The following GRID2 variants were observed in gnomAD, a reference collection of about 807,000 sequenced individuals.
The protein encoded by GRID2 is glutamate ionotropic receptor delta type subunit 2.
A neutral mutation model predicts 114.8 loss-of-function variants in GRID2; 33 were observed. The ratio of observed to expected loss-of-function variants is 0.29; its 90% confidence interval spans 0.22 to 0.38. The LOEUF is 0.38. Ranked by LOEUF, GRID2 falls within the 10% of genes least tolerant of loss-of-function variation. The pLI is 1.00. For synonymous variants in GRID2, 505 were observed against 449.9 expected (o/e 1.12, Z -1.55); for missense variants, 1,184 against 1,257.7 (o/e 0.94, Z 0.89).
chr4:92,754,203 C>T (rs1489758823), intron 2 of GRID2, among the ~76,000 whole-genome samples: 1 of 152,190 alleles, frequency 6.6e-6, no homozygotes, highest in Non-Finnish European at 1.5e-5. Flanking sequence ...CCAGACATTT[C>T]ATAGTCCTGT....
chr4:93,198,546 A>G (rs1741739717), intron 4 of GRID2, among the ~76,000 whole-genome samples: 1 of 152,152 alleles, frequency 6.6e-6, no homozygotes, highest in Admixed American at 6.5e-5. Flanking sequence ...TACGTACAAC[A>G]TGGCCCTCAC....
At chr4:93,647,720 G>A (rs186307140) in intron 14 of GRID2, among the ~76,000 whole-genome samples, 8 of 152,260 alleles carry the variant, frequency 5.3e-5, no homozygotes, top group Non-Finnish European at 1.2e-4. Context: ...TACCTAATGG[G>A]ATGGAAGAAA....
intron 8 of GRID2, among the ~76,000 whole-genome samples, chr4:93,385,222 G>A (rs184685278): frequency 9.2e-5 from 14 of 152,176 alleles, no homozygotes; most frequent in African/African-American, 3.4e-4. Context: ...GTCGGTCTTA[G>A]CATCAGATAA....
intron 8 of GRID2, among the ~76,000 whole-genome samples, chr4:93,374,377 T>C (rs1763191736): frequency 2.6e-5 from 4 of 152,084 alleles, no homozygotes; most frequent in Admixed American, 2.6e-4. Context: ...TTAATAACAC[T>C]TCATGTTATC....
chr4:93,679,233 C>A (rs1430570861), intron 14 of GRID2, among the ~76,000 whole-genome samples: 1 of 151,136 alleles, frequency 6.6e-6, no homozygotes, highest in African/African-American at 2.5e-5. Context: ...GCTAACTATC[C>A]TAAATATATA....
intron 1 of GRID2, among the ~76,000 whole-genome samples, chr4:92,399,298 C>T (rs1730661452): frequency 6.6e-6 from 1 of 152,054 alleles, no homozygotes; most frequent in African/African-American, 2.4e-5. Context: ...CTGCCTTTTC[C>T]CTTCCTCCGT....
In GRID2 at chr4:92,705,993, C is replaced by G. The variant is rs567781546; in HGVS notation, c.244+115707C>G. On this transcript the variant is annotated intron_variant, in intron 2 of 15. Coordinates refer to ENST00000282020, the MANE Select transcript of GRID2 (RefSeq NM_001510.4). ...CATTATTAGAGTGAAACGTTAGTGA[C>G]AAATGAGGTATGATGGTCTAGACAC... Among the ~76,000 whole-genome samples, 4 of 152,262 alleles carry G rather than the reference C, an allele frequency of 2.6e-5. No homozygotes were observed. The South Asian group carries it at 8.3e-4, about 32-fold the overall frequency.
rs530800133 is a variant in GRID2, at chr4:93,228,491, C to A, written c.1125+3716C>A. ...GATGAGTTTTGGTGGGGATTTCAAA[C>A]CATAGTAATGCTGTGTCTTCTTTGC... On this transcript the variant is annotated intron_variant, in intron 7 of 15. Transcript: ENST00000282020. 3.9e-5 allele frequency among the ~76,000 whole-genome samples: 6 copies of A among 152,170 alleles called. No homozygotes were observed. The South Asian group carries it at 1.2e-3, about 32-fold the overall frequency.
At chr4:93,675,225 A>G (rs1278470884) in intron 14 of GRID2, among the ~76,000 whole-genome samples, 1 of 152,168 alleles carries the variant, frequency 6.6e-6, no homozygotes, top group Non-Finnish European at 1.5e-5. Flanking sequence ...ACAAAAAGAA[A>G]TGAAGAGAAA....
At chr4:92,980,484 T>G (rs954871247) in intron 2 of GRID2, among the ~76,000 whole-genome samples, 1 of 152,054 alleles carries the variant, frequency 6.6e-6, no homozygotes, top group African/African-American at 2.4e-5. Flanking sequence ...TTATTGGAAT[T>G]GAATTATATT....
At chr4:93,173,870 A>G (rs1195610527) in intron 4 of GRID2, among the ~76,000 whole-genome samples, 1 of 152,136 alleles carries the variant, frequency 6.6e-6, no homozygotes, top group African/African-American at 2.4e-5. Context: ...AGTTCAAGCG[A>G]TCTGCCTGCC....
At chr4:93,014,034 A>G (rs919488979) in intron 2 of GRID2, among the ~76,000 whole-genome samples, 3 of 152,088 alleles carry the variant, frequency 2.0e-5, no homozygotes, top group African/African-American at 7.2e-5. Context: ...TAATTGAACA[A>G]GCATAAAGTA....
rs549723142 is a variant in GRID2 at position 93,093,955 on chromosome 4, C to G, written c.529+8676C>G. ...TCAACCAAGCAAATCTGGTTTTGGT[C>G]TACTCCAAGCTCTATATCTTCATGG... On this transcript the variant is annotated intron_variant, in intron 3 of 15. Transcript: ENST00000282020. Among the ~76,000 whole-genome samples, 12 of 152,162 alleles carry G rather than the reference C, an allele frequency of 7.9e-5. 1 individual carries two copies. The highest frequency in any genetic ancestry group is 1.6e-4 in the Non-Finnish European group (11 of 67,994).
rs190338305 is a variant in GRID2 at position 92,446,953 on chromosome 4, C to G, written c.88+142209C>G. Among the ~76,000 whole-genome samples the G allele has an allele frequency of 5.6e-4, 85 of 152,268 alleles. 1 individual carries two copies. In the East Asian group the frequency reaches 0.012, roughly 22 times the overall value. ...CTGTCCAACAGATCTGCTATAAAGC[C>G]TGATGATTTTGTTTGTTTAAAGCAC... On this transcript the variant is annotated intron_variant, in intron 1 of 15. Coordinates refer to ENST00000282020, the MANE Select transcript of GRID2 (RefSeq NM_001510.4).
At chr4:92,441,680 T>C (rs1733091993) in intron 1 of GRID2, among the ~76,000 whole-genome samples, 1 of 152,110 alleles carries the variant, frequency 6.6e-6, no homozygotes, top group Non-Finnish European at 1.5e-5. Context: ...CAGGCTTTAA[T>C]CTTTTTAAAG....
At chr4:93,321,608 G>A (rs990475320) in intron 8 of GRID2, among the ~76,000 whole-genome samples, 1 of 151,984 alleles carries the variant, frequency 6.6e-6, no homozygotes, top group African/African-American at 2.4e-5. Context: ...ATTGCCAATA[G>A]TTGAAACTTT....
At chr4:93,396,286 C>G (rs192423252) in intron 9 of GRID2, among the ~76,000 whole-genome samples, 3 of 152,112 alleles carry the variant, frequency 2.0e-5, no homozygotes, top group Admixed American at 2.0e-4. Context: ...CTTGATAGAA[C>G]TTATCATCTA....
At chr4:92,794,160 A>G (rs1476040065) in intron 2 of GRID2, among the ~76,000 whole-genome samples, 1 of 151,826 alleles carries the variant, frequency 6.6e-6, no homozygotes, top group African/African-American at 2.4e-5. Flanking sequence ...ACTATCAGCC[A>G]GGCTACAATC....
chr4:93,060,242 A>G (rs1460608572), intron 2 of GRID2, among the ~76,000 whole-genome samples: 2 of 152,146 alleles, frequency 1.3e-5, no homozygotes, highest in African/African-American at 4.8e-5. Flanking sequence ...AGCTGTCTCA[A>G]TGTAGATTGT....
Sources: allele counts gnomAD v4.1 joint callset (sites outside exome capture counted in the v4.1 genomes callset), GRCh38; gene constraint gnomAD v4.1.1; transcripts MANE v1.5; gene names NCBI Gene and HGNC (gene_info 2026-07-23, HGNC 2026-07-21).